Variants in EFCAB11 observed in about 807,000 individuals in gnomAD.
EFCAB11 encodes EF-hand calcium-binding domain-containing protein 11.
Under a neutral mutation model 23.0 loss-of-function variants are expected in EFCAB11, and 14 were observed. The observed-to-expected ratio is 0.61, with a 90% confidence interval of 0.40 to 0.95. The LOEUF (loss-of-function observed/expected upper bound fraction) is 0.95, where lower values mean the gene tolerates loss of function less well. Ranked by LOEUF, EFCAB11 falls within the 40% of genes least tolerant of loss-of-function variation. EFCAB11 has a pLI of 0.00. For missense variants in EFCAB11, 198 were observed against 195.8 expected (o/e 1.01, Z -0.07); for synonymous variants, 65 against 66.6 (o/e 0.98, Z 0.11).
intron 5 of EFCAB11, among the ~76,000 whole-genome samples, chr14:89,927,244 C>T (rs139437971): frequency 9.9e-5 from 15 of 152,132 alleles, no homozygotes; most frequent in South Asian, 8.3e-4. Context: ...AAGTGTAATA[C>T]GGGCAAGTAC....
intron 5 of EFCAB11, among the ~76,000 whole-genome samples, chr14:89,927,315 G>A (rs1368067651): frequency 6.6e-6 from 1 of 152,190 alleles, no homozygotes; most frequent in Non-Finnish European, 1.5e-5. Flanking sequence ...GGCAGTCACT[G>A]AATTGAAGAC....
Position 89,879,667 on chromosome 14 carries a change from C to T in EFCAB11, c.410+51874G>A, listed in dbSNP as rs184383234. 1.2e-3 allele frequency among the ~76,000 whole-genome samples: 177 copies of T among 152,246 alleles called. 1 individual carries two copies. Among genetic ancestry groups the T allele is most frequent in the African/African-American group, 4.2e-3 (173 of 41,550 alleles). Reference sequence around the variant, plus strand: ...AAGAGCATACTTTACTTTTGCCAAACCAAGTTAATTTGTAGGCTAATTTGC... The same window carrying T: ...AAGAGCATACTTTACTTTTGCCAAATCAAGTTAATTTGTAGGCTAATTTGC... On this transcript the variant is annotated intron_variant, in intron 5 of 5. Transcript: ENST00000316738.
intron 5 of EFCAB11, among the ~76,000 whole-genome samples, chr14:89,885,088 A>T (rs1888712413): frequency 6.6e-6 from 1 of 152,222 alleles, no homozygotes; most frequent in Admixed American, 6.5e-5. Context: ...CTAGACTAAG[A>T]CATTCAGTCA....
intron 3 of EFCAB11, among the ~76,000 whole-genome samples, chr14:89,939,790 G>A (rs952140405): frequency 1.3e-5 from 2 of 152,188 alleles, no homozygotes; most frequent in African/African-American, 4.8e-5. Context: ...CCAGGCTGGA[G>A]TGCAGTGGCG....
chr14:89,842,402 G>A (rs1210548618), intron 5 of EFCAB11, among the ~76,000 whole-genome samples: 5 of 152,106 alleles, frequency 3.3e-5, no homozygotes, highest in South Asian at 2.1e-4. Flanking sequence ...CAGCCTAGCC[G>A]ACAGGCTGAA....
At chr14:89,876,850 G>A (rs1272186323) in intron 5 of EFCAB11, among the ~76,000 whole-genome samples, 2 of 152,198 alleles carry the variant, frequency 1.3e-5, no homozygotes, top group Non-Finnish European at 2.9e-5. Flanking sequence ...AACACTGAAT[G>A]AAGAAGCTCT....
At chr14:89,888,239 G>A (rs923217627) in intron 5 of EFCAB11, among the ~76,000 whole-genome samples, 1 of 152,240 alleles carries the variant, frequency 6.6e-6, no homozygotes, top group Non-Finnish European at 1.5e-5. Context: ...CCATGAATGG[G>A]ATTGGTGCCC....
intron 5 of EFCAB11, among the ~76,000 whole-genome samples, chr14:89,892,934 T>C (rs1373990877): frequency 6.6e-6 from 1 of 151,876 alleles, no homozygotes; most frequent in Non-Finnish European, 1.5e-5. Flanking sequence ...AAGAAAGGCC[T>C]GAGAGCCCAG....
chr14:89,846,143 A>G (rs1022543168), intron 5 of EFCAB11, among the ~76,000 whole-genome samples: 1 of 152,236 alleles, frequency 6.6e-6, no homozygotes, highest in Non-Finnish European at 1.5e-5. Context: ...TAAAGTGCTT[A>G]GCGCAGTGGC....
At chr14:89,847,889 A>G (rs938067980) in intron 5 of EFCAB11, among the ~76,000 whole-genome samples, 2 of 152,324 alleles carry the variant, frequency 1.3e-5, no homozygotes, top group Non-Finnish European at 2.9e-5. Flanking sequence ...CAGTCTTCTC[A>G]GGTTCAGAAT....
intron 5 of EFCAB11, among the ~76,000 whole-genome samples, chr14:89,898,718 C>T (rs1005318294): frequency 7.0e-6 from 1 of 143,176 alleles, no homozygotes; most frequent in Non-Finnish European, 1.5e-5. Flanking sequence ...GTCATCCAGG[C>T]TGGGGTGCGG....
chr14:89,803,597 G>T (rs192164266), intron 5 of EFCAB11, among the ~76,000 whole-genome samples: 1 of 152,192 alleles, frequency 6.6e-6, no homozygotes, highest in South Asian at 2.1e-4. Context: ...AAGGGAGAGA[G>T]CAGCTTTTTC....
Position 89,866,065 on chromosome 14 carries a change from A to T in EFCAB11, c.410+65476T>A, listed in dbSNP as rs373455166. On this transcript the variant is annotated intron_variant, in intron 5 of 5. Transcript: ENST00000316738. Reference sequence around the variant, plus strand: ...CTTCCAAAGTGCCGGGATTACAGGCATGAGTCACCGTGCCTGGCCTGACAA... The same window carrying T: ...CTTCCAAAGTGCCGGGATTACAGGCTTGAGTCACCGTGCCTGGCCTGACAA... Among the ~76,000 whole-genome samples the T allele has an allele frequency of 2.9e-3, 448 of 152,260 alleles. 2 individuals are homozygous for T. Among genetic ancestry groups the T allele is most frequent in the Non-Finnish European group, 5.2e-3 (352 of 68,004 alleles).
intron 5 of EFCAB11, among the ~76,000 whole-genome samples, chr14:89,817,122 T>C (rs759064100): frequency 6.6e-6 from 1 of 152,082 alleles, no homozygotes; most frequent in Non-Finnish European, 1.5e-5. Flanking sequence ...AAAATAATAA[T>C]AGGATATTTT....
chr14:89,954,262 GATA>G, intron 1 of EFCAB11: 1 of 1,345,654 alleles, frequency 7.4e-7, no homozygotes, highest in Admixed American at 2.0e-5. Flanking sequence ...AGGCCACTGA[GATA>G]AATTCTACCC....
intron 5 of EFCAB11, among the ~76,000 whole-genome samples, chr14:89,857,912 A>C (rs1485304544): frequency 6.6e-6 from 1 of 152,264 alleles, no homozygotes; most frequent in East Asian, 1.9e-4. Context: ...ATAATAAAGT[A>C]GAAACCAGAA....
chr14:89,862,002 G>A (rs1309282093), intron 5 of EFCAB11, among the ~76,000 whole-genome samples: 2 of 152,130 alleles, frequency 1.3e-5, no homozygotes, highest in African/African-American at 4.8e-5. Context: ...TTCCTTCTTG[G>A]ATGAATCTTT....
intron 5 of EFCAB11, among the ~76,000 whole-genome samples, chr14:89,860,492 T>C (rs1451164758): frequency 6.6e-6 from 1 of 152,212 alleles, no homozygotes; most frequent in African/African-American, 2.4e-5. Context: ...GCTGTCAATC[T>C]GGGGTGTTTT....
rs55668769 is a variant in EFCAB11, at chr14:89,849,606, G to GTTTT, written c.411-52286_411-52283dup. ...CATTGCTTTTGTAACAAGGAAATCT[G>GTTTT]TTTTTTTTTTTTTTTTGGTAAGATA... is the stretch of plus-strand genomic sequence containing the variant. On this transcript the variant is annotated intron_variant, in intron 5 of 5. Coordinates refer to ENST00000316738, the MANE Select transcript of EFCAB11 (RefSeq NM_145231.4). Among the ~76,000 whole-genome samples, 94 of 123,322 alleles carry GTTTT rather than the reference G, an allele frequency of 7.6e-4. 7 individuals carry two copies. Among genetic ancestry groups the GTTTT allele is most frequent in the Admixed American group, 1.5e-3 (17 of 11,148 alleles). The allele number at this position is 123,322 out of a possible 152,430, so 80.9% of individuals were successfully genotyped here. A position where few individuals can be genotyped will look rare whatever the true frequency, so the allele number is the denominator to read the frequency against.
Sources: gnomAD v4.1 joint callset for allele counts (sites outside exome capture counted in the v4.1 genomes callset) on GRCh38, gnomAD v4.1.1 for gene constraint, MANE v1.5 for transcripts, NCBI Gene and HGNC (gene_info 2026-07-23, HGNC 2026-07-21) for gene names.